Variants in TRAM1 observed in about 807,000 individuals in gnomAD.
TRAM1 encodes translocating chain-associated membrane protein 1.
In TRAM1, 17 loss-of-function variants were observed where a neutral mutation model predicts 48.7. That is an observed-to-expected ratio of 0.35 (90% CI 0.24 to 0.52). The LOEUF is 0.52. TRAM1 is among the 20% of genes least tolerant of loss of function. The pLI, the probability that TRAM1 is intolerant of heterozygous loss-of-function variation, is 0.94. For synonymous variants in TRAM1, 182 were observed against 154.0 expected, an observed-to-expected ratio of 1.18 and a Z score of -1.34; for missense variants, 351 against 441.5, an observed-to-expected ratio of 0.79 and a Z score of 1.84.
intron 10 of TRAM1, among the ~76,000 whole-genome samples, chr8:70,576,222 G>C (rs1816950533): frequency 6.6e-6 from 1 of 151,576 alleles, no homozygotes; most frequent in African/African-American, 2.4e-5. Flanking sequence ...ATGCTCCAAA[G>C]ATCCATCTCA....
In TRAM1 at chr8:70,599,871, T is replaced by C. The variant is rs938106164; in HGVS notation, c.187+148A>G. On this transcript the variant is annotated intron_variant, in intron 2 of 10. Transcript: ENST00000262213. ...TCAATCAAAAACATCAGATCTTGTA[T>C]TATAAAATCATCACAATAACATTCA... is the stretch of plus-strand genomic sequence containing the variant. 6 of 654,586 alleles carry C rather than the reference T, an allele frequency of 9.2e-6. No homozygotes were observed. In the African/African-American group the frequency reaches 1.1e-4, roughly 12 times the overall value. The allele number at this position is 654,586 out of a possible 1,614,324, so 40.5% of individuals were successfully genotyped here.
intron 10 of TRAM1, among the ~76,000 whole-genome samples, chr8:70,575,568 A>C (rs2132020446): frequency 6.6e-6 from 1 of 152,188 alleles, no homozygotes; most frequent in African/African-American, 2.4e-5. Flanking sequence ...GACTACAGGC[A>C]TGTGCCACCA....
intron 5 of TRAM1, among the ~76,000 whole-genome samples, 182 bp downstream of exon 5, chr8:70,596,081 A>G (rs1817480212): frequency 6.6e-6 from 1 of 152,200 alleles, no homozygotes; most frequent in Admixed American, 6.5e-5. Context: ...AGATTAGAAT[A>G]GAAACATTAA....
At chr8:70,590,526 T>C (rs1240996650) in intron 6 of TRAM1, among the ~76,000 whole-genome samples, 4 of 152,188 alleles carry the variant, frequency 2.6e-5, no homozygotes, top group Non-Finnish European at 5.9e-5. Flanking sequence ...CTCACTATGT[T>C]ACTCAGGCTG....
intron 6 of TRAM1, among the ~76,000 whole-genome samples, chr8:70,593,444 T>C (rs1817411016): frequency 6.7e-6 from 1 of 150,078 alleles, no homozygotes; most frequent in South Asian, 2.1e-4. Context: ...AATGTAAACA[T>C]ATACACAACA....
chr8:70,607,115 A>T (rs1444715390), intron 1 of TRAM1: 1 of 979,716 alleles, frequency 1.0e-6, no homozygotes, highest in East Asian at 1.1e-4. Flanking sequence ...GAGAAAAATT[A>T]AAAAGGGAAA....
chr8:70,593,460 A>C (rs1817411649), intron 6 of TRAM1, among the ~76,000 whole-genome samples: 1 of 152,054 alleles, frequency 6.6e-6, no homozygotes, highest in African/African-American at 2.4e-5. Context: ...CAACAGACAG[A>C]AAAGATTCTG....
chr8:70,608,041 G>A, intron 1 of TRAM1, 36 bp downstream of exon 1: 2 of 1,552,354 alleles, frequency 1.3e-6, no homozygotes, highest in South Asian at 2.3e-5. Flanking sequence ...GGCTGGAGGT[G>A]GCGGGGCAGG....
intron 1 of TRAM1, among the ~76,000 whole-genome samples, chr8:70,603,511 G>A (rs1817655047): frequency 6.6e-6 from 1 of 152,184 alleles, no homozygotes; most frequent in African/African-American, 2.4e-5. Context: ...GAGGTCAGGA[G>A]TTCAAGACCA....
chr8:70,587,284 C>T, intron 6 of TRAM1, 108 bp from the exon 7 acceptor site: 1 of 1,029,228 alleles, frequency 9.7e-7, no homozygotes, highest in Non-Finnish European at 1.4e-6. Context: ...AAACCTTGGA[C>T]TCAAGAGAAC....
rs1171915991 is a variant in TRAM1 at position 70,594,563 on chromosome 8, T to C, written c.513A>G (p.Ser171=). The part of the protein sequence containing the change: ...MTFQMKFFYI[S]QLAYWLHAFP... ...AAGCATGAAGCCAGTAAGCCAGCTG[T>C]GATATGTAGAAAAACTTCATTTGAA... is the stretch of plus-strand genomic sequence containing the variant. The change falls in exon 6 of 11, where the codon TCA becomes TCG. Residue 171 remains serine (S), a synonymous_variant. Coordinates refer to ENST00000262213, the MANE Select transcript of TRAM1 (RefSeq NM_014294.6). 6.3e-7 allele frequency: 1 copy of C among 1,598,908 alleles called. No individual in the cohort carries two copies.
chr8:70,588,056 A>ATTGT lies in TRAM1; in HGVS notation c.571-881_571-880insACAA, dbSNP rs547849801. 2.9e-4 allele frequency among the ~76,000 whole-genome samples: 44 copies of ATTGT among 152,184 alleles called. No homozygotes were observed. In the South Asian group the frequency reaches 9.1e-3, roughly 32 times the overall value. ...ACACAGCAAGACCCTGTCTCTACAA[A>ATTGT]AACTACAATTAGCTAGGCGTGGTGG... On this transcript the variant is annotated intron_variant, in intron 6 of 10. Transcript: ENST00000262213.
intron 6 of TRAM1, among the ~76,000 whole-genome samples, chr8:70,588,992 A>G (rs1394889449): frequency 6.6e-6 from 1 of 152,222 alleles, no homozygotes; most frequent in Non-Finnish European, 1.5e-5. Context: ...AGTTGAGTGC[A>G]GGTCTACTGG....
chr8:70,576,456 T>C (rs1263536401), intron 10 of TRAM1, among the ~76,000 whole-genome samples: 3 of 152,270 alleles, frequency 2.0e-5, no homozygotes, highest in Non-Finnish European at 2.9e-5. Flanking sequence ...GAAAGTCATA[T>C]GAATAATTTT....
chr8:70,596,294 A>T lies in TRAM1; in HGVS notation c.454T>A (p.Leu152Ile), dbSNP rs1333090300. ...SENYISDPTI[L>I]WRAYPHNLMT... ...AGGTTATGGGGATAAGCCCTCCATA[A>T]GATAGTTGGGTCTGAGATGTAGTTT... Residue 152 changes from leucine to isoleucine, a missense_variant, in exon 5 of 11, where the codon TTA (leucine) becomes ATA (isoleucine). Transcript: ENST00000262213. The T allele has an allele frequency of 2.5e-6, 4 of 1,601,500 alleles. No homozygotes were observed. In the African/African-American group the frequency reaches 4.1e-5, roughly 16 times the overall value.
chr8:70,594,115 G>T (rs1471308734), intron 6 of TRAM1, among the ~76,000 whole-genome samples: 1 of 152,064 alleles, frequency 6.6e-6, no homozygotes, highest in Admixed American at 6.6e-5. Flanking sequence ...ACACAGAACT[G>T]TTAGTTGTAA....
intron 8 of TRAM1, among the ~76,000 whole-genome samples, chr8:70,585,932 C>T (rs1479076857): frequency 6.7e-6 from 1 of 149,822 alleles, no homozygotes; most frequent in Non-Finnish European, 1.5e-5. Context: ...GGTGTATACC[C>T]AAAGGATTAT....
At chr8:70,600,575 G>A (rs931840822) in intron 1 of TRAM1, among the ~76,000 whole-genome samples, 9 of 152,168 alleles carry the variant, frequency 5.9e-5, no homozygotes, top group African/African-American at 2.2e-4. Flanking sequence ...ACTGGTAAAA[G>A]TAAACTGGTC....
chr8:70,590,723 A>G (rs1437448547), intron 6 of TRAM1, among the ~76,000 whole-genome samples: 1 of 152,240 alleles, frequency 6.6e-6, no homozygotes, highest in Non-Finnish European at 1.5e-5. Context: ...TGCCATCACT[A>G]GGTTCTATCT....
Sources: allele counts gnomAD v4.1 joint callset (sites outside exome capture counted in the v4.1 genomes callset), GRCh38; gene constraint gnomAD v4.1.1; transcripts MANE v1.5; gene names NCBI Gene and HGNC (gene_info 2026-07-23, HGNC 2026-07-21).